Variants in MCTP1 observed in about 807,000 individuals in gnomAD.
MCTP1 encodes the protein multiple C2 and transmembrane domain-containing protein 1.
A neutral mutation model predicts 120.6 loss-of-function variants in MCTP1; 69 were observed. That is an observed-to-expected ratio of 0.57 (90% CI 0.47 to 0.70). MCTP1 has a LOEUF of 0.70. Ranked by LOEUF, MCTP1 falls within the 30% of genes least tolerant of loss-of-function variation. The probability of loss-of-function intolerance (pLI) is 0.00; values close to 1 mark genes in which losing one functional copy is unlikely to be tolerated. For missense variants in MCTP1, 1,203 were observed against 1,248.8 expected (o/e 0.96, Z 0.55); for synonymous variants, 529 against 493.1 (o/e 1.07, Z -0.96).
chr5:95,245,690 A>T (rs1348301476), intron 1 of MCTP1, among the ~76,000 whole-genome samples: 2 of 152,206 alleles, frequency 1.3e-5, no homozygotes, highest in East Asian at 3.8e-4. Context: ...TGAAAAGACC[A>T]AATCTACATT....
chr5:95,130,794 AG>A (rs1260923816), intron 1 of MCTP1, among the ~76,000 whole-genome samples: 6 of 152,136 alleles, frequency 3.9e-5, no homozygotes, highest in Non-Finnish European at 7.3e-5. Flanking sequence ...ACCTTTTCAA[AG>A]GTCTTATTTT....
intron 2 of MCTP1, among the ~76,000 whole-genome samples, chr5:94,991,941 T>A (rs1831643654): frequency 6.6e-6 from 1 of 152,132 alleles, no homozygotes; most frequent in East Asian, 1.9e-4. Flanking sequence ...GGAAATATCC[T>A]CAACATCAGA....
At chr5:95,269,467 G>A (rs760621767) in intron 1 of MCTP1, among the ~76,000 whole-genome samples, 2 of 152,184 alleles carry the variant, frequency 1.3e-5, no homozygotes, top group Non-Finnish European at 2.9e-5. Flanking sequence ...ATTCACTTAT[G>A]AGGTCTCAAA....
intron 19 of MCTP1, among the ~76,000 whole-genome samples, chr5:94,727,058 TC>T (rs576243365): frequency 3.3e-5 from 5 of 152,324 alleles, no homozygotes; most frequent in African/African-American, 1.2e-4. Flanking sequence ...CTTATACCTT[TC>T]TAAAAAGGCA....
chr5:95,232,816 T>G (rs1233549559), intron 1 of MCTP1, among the ~76,000 whole-genome samples: 1 of 152,168 alleles, frequency 6.6e-6, no homozygotes, highest in Non-Finnish European at 1.5e-5. Context: ...AGTGCCTATA[T>G]TAATATTAGA....
At chr5:94,914,387 T>A (rs950958266) in intron 8 of MCTP1, among the ~76,000 whole-genome samples, 1 of 152,260 alleles carries the variant, frequency 6.6e-6, no homozygotes, top group Non-Finnish European at 1.5e-5. Flanking sequence ...CCTTTTTCCA[T>A]ACCAGAGCAA....
intron 2 of MCTP1, among the ~76,000 whole-genome samples, chr5:94,959,174 T>G (rs1165353430): frequency 6.6e-6 from 1 of 152,120 alleles, no homozygotes; most frequent in Non-Finnish European, 1.5e-5. Flanking sequence ...AAAAACTACA[T>G]GATTATCTCA....
intron 2 of MCTP1, among the ~76,000 whole-genome samples, chr5:95,002,427 C>A (rs1321695211): frequency 1.3e-5 from 2 of 152,206 alleles, no homozygotes; most frequent in Non-Finnish European, 1.5e-5. Flanking sequence ...GTGAAAGCAA[C>A]CAGGATGGGG....
intron 1 of MCTP1, among the ~76,000 whole-genome samples, chr5:95,085,529 G>A (rs1755365998): frequency 6.6e-6 from 1 of 151,358 alleles, no homozygotes; most frequent in Non-Finnish European, 1.5e-5. Flanking sequence ...GGACATTTAA[G>A]TTGGTTCTAA....
At chr5:95,166,994 G>A (rs892926010) in intron 1 of MCTP1, among the ~76,000 whole-genome samples, 8 of 147,358 alleles carry the variant, frequency 5.4e-5, no homozygotes, top group African/African-American at 2.0e-4. Context: ...GTATACATGT[G>A]CCATGTTGGT....
intron 1 of MCTP1, among the ~76,000 whole-genome samples, chr5:95,103,742 G>T (rs776161904): frequency 6.6e-5 from 10 of 152,128 alleles, no homozygotes; most frequent in Non-Finnish European, 1.2e-4. Flanking sequence ...ATAAAATCCA[G>T]GTGCTCTCAA....
chr5:95,026,125 ATGAT>A (rs1839212716), intron 1 of MCTP1, among the ~76,000 whole-genome samples: 1 of 152,106 alleles, frequency 6.6e-6, no homozygotes, highest in African/African-American at 2.4e-5. Flanking sequence ...GTTAGCTGGC[ATGAT>A]TGATTCTTTT....
intron 11 of MCTP1, among the ~76,000 whole-genome samples, chr5:94,890,527 T>C (rs541159299): frequency 6.6e-6 from 1 of 152,270 alleles, no homozygotes; most frequent in South Asian, 2.1e-4. Context: ...ACATACACAA[T>C]CTTTTACAGT....
intron 18 of MCTP1, among the ~76,000 whole-genome samples, chr5:94,786,676 T>G (rs1263404477): frequency 6.6e-6 from 1 of 152,210 alleles, no homozygotes; most frequent in Non-Finnish European, 1.5e-5. Flanking sequence ...GTGTACTGTG[T>G]GATTGCTAAA....
intron 1 of MCTP1, among the ~76,000 whole-genome samples, chr5:95,097,796 C>T (rs11135421): frequency 0.63 from 96,322 of 151,922 alleles, 32,063 homozygotes; most frequent in Non-Finnish European, 0.74. Context: ...GATCAAAGCA[C>T]GAAGAAAAGA....
chr5:94,936,842 C>G (rs1433516736), intron 5 of MCTP1, among the ~76,000 whole-genome samples: 1 of 152,046 alleles, frequency 6.6e-6, no homozygotes. Context: ...ATCAGAATAG[C>G]TAGGATACTG....
chr5:95,029,697 T>C (rs1235086488), intron 1 of MCTP1, among the ~76,000 whole-genome samples: 1 of 152,180 alleles, frequency 6.6e-6, no homozygotes, highest in Non-Finnish European at 1.5e-5. Flanking sequence ...CCTCTGACCT[T>C]GTGACTCAGG....
chr5:94,984,059 C>T (rs1457600300), intron 2 of MCTP1, among the ~76,000 whole-genome samples: 1 of 152,144 alleles, frequency 6.6e-6, no homozygotes, highest in African/African-American at 2.4e-5. Flanking sequence ...CAGATTAGTC[C>T]TAAATCTATT....
At chr5:94,773,679 G>A (rs150401920) in intron 19 of MCTP1, among the ~76,000 whole-genome samples, 1 of 152,264 alleles carries the variant, frequency 6.6e-6, no homozygotes, top group East Asian at 1.9e-4. Context: ...ATGGTGGAAG[G>A]CAAGGAGGAA....
Sources: gnomAD v4.1 joint callset for allele counts (sites outside exome capture counted in the v4.1 genomes callset) on GRCh38, gnomAD v4.1.1 for gene constraint, MANE v1.5 for transcripts, NCBI Gene and HGNC (gene_info 2026-07-23, HGNC 2026-07-21) for gene names.